The following DNAH8 variants were observed in gnomAD, a reference collection of about 807,000 sequenced individuals.
DNAH8 encodes the protein dynein axonemal heavy chain 8.
A neutral mutation model predicts 562.1 loss-of-function variants in DNAH8; 382 were observed. The observed-to-expected ratio is 0.68, with a 90% CI of 0.63 to 0.74. The LOEUF (loss-of-function observed/expected upper bound fraction) is 0.74. Among genes scored for constraint, DNAH8 ranks in the 30% least tolerant of loss-of-function variants. DNAH8 has a pLI of 0.00. For missense variants in DNAH8, 5,203 were observed against 5,620.4 expected, an observed-to-expected ratio of 0.93 and a Z score of 2.37; for synonymous variants, 1,881 against 1,919.4, an observed-to-expected ratio of 0.98 and a Z score of 0.52.
At position 38,913,879 on chromosome 6, in the gene DNAH8, C is replaced by T; in HGVS notation, c.9890C>T (p.Ser3297Phe). Residue 3297 changes from serine to phenylalanine, a missense_variant, in exon 67 of 93, where the codon TCT becomes TTT. This residue lies in a region of DNAH8 where 977 missense variants were observed against 1,061.8 expected (regional missense o/e 0.92). Transcript: ENST00000327475. ...GLDKLMEASE[S>F]VAKLSQDLAV... ...GATAAACTAATGGAGGCAAGTGAAT[C>T]TGTTGCTAAACTCTCTCAGGATCTT... The T allele has an allele frequency of 6.2e-7, 1 of 1,613,124 alleles. No homozygotes were observed.
chr6:38,983,065 C>T (rs1764140940), intron 86 of DNAH8, among the ~76,000 whole-genome samples: 1 of 152,194 alleles, frequency 6.6e-6, no homozygotes, highest in Non-Finnish European at 1.5e-5. Context: ...TCCTCAAGGT[C>T]ACAGAGCTGA....
chr6:38,759,175 G>A (rs967295350), intron 10 of DNAH8, among the ~76,000 whole-genome samples: 1 of 152,062 alleles, frequency 6.6e-6, no homozygotes, highest in African/African-American at 2.4e-5. Flanking sequence ...GGGCATGGTG[G>A]TGTGTGCCTG....
At chr6:38,815,375 C>A in intron 25 of DNAH8, 93 bp from the exon 26 acceptor site, 2 of 1,010,760 alleles carry the variant, frequency 2.0e-6, no homozygotes, top group Non-Finnish European at 3.0e-6. Flanking sequence ...CCAGCCGAGG[C>A]TTGCCCCACT....
chr6:39,004,408 A>G (rs1765673129), intron 88 of DNAH8, among the ~76,000 whole-genome samples: 1 of 152,160 alleles, frequency 6.6e-6, no homozygotes. Context: ...ATTCTTTTCT[A>G]TACTTCAAAC....
rs1298081554 is a variant in DNAH8, at chr6:38,842,794, G to A, written c.4736G>A (p.Trp1579Ter). Residue 1579 changes from tryptophan (W) to a stop codon, truncating the protein, a stop_gained, in exon 35 of 93, where the codon TGG (tryptophan) becomes TAG (stop). Coordinates refer to ENST00000327475, the MANE Select transcript of DNAH8 (RefSeq NM_001206927.2). LOFTEE classifies it high-confidence loss of function. ...AATAAGGCCATGAAACAGAGACACT[G>A]GGATAGAATCTCCGAGTTAACTGGA... ...MTNKAMKQRH[W>*]DRISELTGTP... The A allele has an allele frequency of 1.2e-6, 2 of 1,613,760 alleles. No homozygotes were observed. The highest frequency in any genetic ancestry group is 1.3e-5 in the African/African-American group (1 of 74,874).
chr6:39,008,803 C>T lies in DNAH8; in HGVS notation c.13215-11C>T, dbSNP rs747420191. The T allele has an allele frequency of 1.3e-6, 2 of 1,574,458 alleles. No individual in the cohort carries two copies. The highest frequency in any genetic ancestry group is 2.7e-5 in the African/African-American group (2 of 73,784). On this transcript the variant is annotated splice_polypyrimidine_tract_variant and intron_variant, in intron 88 of 92. Coordinates refer to ENST00000327475, the MANE Select transcript of DNAH8 (RefSeq NM_001206927.2). ...CCTGTAACATTCTGAACAGCTCACTCTTTTTACTAGGTATCAGAGTAACAC... is the reference window on the plus strand; with the variant it reads ...CCTGTAACATTCTGAACAGCTCACTTTTTTTACTAGGTATCAGAGTAACAC...
At chr6:38,870,636 CAT>C in intron 49 of DNAH8, 74 bp downstream of exon 49, 2 of 1,381,720 alleles carry the variant, frequency 1.4e-6, no homozygotes, top group Non-Finnish European at 2.0e-6. Context: ...TAGAAAAACT[CAT>C]AGTTAGTCTT....
chr6:38,992,522 G>A (rs1764863846), intron 88 of DNAH8, among the ~76,000 whole-genome samples: 1 of 152,168 alleles, frequency 6.6e-6, no homozygotes, highest in African/African-American at 2.4e-5. Context: ...AGAAAGAACT[G>A]ATAAGTCTTA....
At position 38,781,261 on chromosome 6, in the gene DNAH8, A is replaced by C. The variant is rs1306767179; in HGVS notation, c.2147A>C (p.His716Pro). Residue 716 changes from histidine to proline, a missense_variant, in exon 16 of 93, where the codon CAT becomes CCT. By Grantham distance (77) the His-to-Pro change is moderately conservative. Transcript: ENST00000327475. Reference sequence around the variant, plus strand: ...TCAGATTTTTAATTACAGCTTTATCATTCTCAGAAAGATGACCCCCCTCTT... The same window carrying C: ...TCAGATTTTTAATTACAGCTTTATCCTTCTCAGAAAGATGACCCCCCTCTT... The part of the protein sequence containing the change: ...AELDATKKLY[H>P]SQKDDPPLAR... 6.2e-7 allele frequency: 1 copy of C among 1,613,812 alleles called. No homozygotes were observed. Among genetic ancestry groups the C allele is most frequent in the Admixed American group, 1.7e-5 (1 of 59,980 alleles).
rs1346141389 is a variant in DNAH8, at chr6:38,814,265, G to T, written c.3333+136G>T. The T allele has an allele frequency of 1.3e-5, 8 of 616,438 alleles. No homozygotes were observed. In the African/African-American group the frequency reaches 1.5e-4, roughly 12 times the overall value. The allele number at this position is 616,438 out of a possible 1,614,324, so 38.2% of individuals were successfully genotyped here. On this transcript the variant is annotated intron_variant, in intron 25 of 92. Coordinates refer to ENST00000327475, the MANE Select transcript of DNAH8 (RefSeq NM_001206927.2). ...CCTCACTATTTAACAAATTGGAAAT[G>T]TCATTTATATCTGTTATGAAAAAGC...
chr6:38,818,592 A>C (rs192798308), intron 26 of DNAH8, among the ~76,000 whole-genome samples: 223 of 151,500 alleles, frequency 1.5e-3, no homozygotes, highest in African/African-American at 5.2e-3. Context: ...AAAACACAGC[A>C]GACAGGTGAA....
At chr6:38,870,187 T>A (rs1777360244) in intron 48 of DNAH8, among the ~76,000 whole-genome samples, 1 of 152,102 alleles carries the variant, frequency 6.6e-6, no homozygotes, top group Non-Finnish European at 1.5e-5. Flanking sequence ...ACGTGGGAGT[T>A]ATGGGAGCTA....
At chr6:38,802,121 A>C (rs1002320809) in intron 21 of DNAH8, among the ~76,000 whole-genome samples, 3 of 151,794 alleles carry the variant, frequency 2.0e-5, no homozygotes, top group Non-Finnish European at 4.4e-5. Flanking sequence ...TTTATTGTAG[A>C]GATGGGGTCT....
chr6:38,830,983 A>G (rs1418385705), intron 30 of DNAH8, among the ~76,000 whole-genome samples: 2 of 152,226 alleles, frequency 1.3e-5, no homozygotes, highest in African/African-American at 2.4e-5. Flanking sequence ...TTTGAAAGAA[A>G]TAAACTCATG....
chr6:38,773,039 A>ACTC (rs1368831389), intron 12 of DNAH8, among the ~76,000 whole-genome samples: 1 of 129,122 alleles, frequency 7.7e-6, no homozygotes, highest in East Asian at 2.2e-4. Context: ...CTGGTCTTGA[A>ACTC]CTCCTGGCCT....
At chr6:38,936,458 C>G (rs1782978959) in intron 77 of DNAH8, 1 of 152,134 alleles carries the variant, frequency 6.6e-6, no homozygotes, top group Admixed American at 6.5e-5. Context: ...TGTTCTGTAG[C>G]AGACAAATCA....
chr6:38,801,327 T>C (rs949029019), intron 21 of DNAH8, among the ~76,000 whole-genome samples: 26 of 152,228 alleles, frequency 1.7e-4, no homozygotes, highest in African/African-American at 5.8e-4. Context: ...TTATATGGTA[T>C]TGGAAACGTA....
chr6:38,721,018 A>G (rs191308406), intron 1 of DNAH8, among the ~76,000 whole-genome samples: 51 of 152,322 alleles, frequency 3.3e-4, no homozygotes, highest in African/African-American at 1.2e-3. Flanking sequence ...GTTGTTTGAA[A>G]ATGTGCAGAG....
intron 13 of DNAH8, 36 bp downstream of exon 13, chr6:38,775,987 G>T: frequency 7.3e-7 from 1 of 1,367,334 alleles, no homozygotes; most frequent in South Asian, 1.2e-5. Context: ...TAGTAAAGCT[G>T]AAAAGTAGTC....
Sources: allele counts gnomAD v4.1 joint callset (sites outside exome capture counted in the v4.1 genomes callset), GRCh38; gene constraint gnomAD v4.1.1; regional missense constraint gnomAD v4.1.1; transcripts MANE v1.5; gene names NCBI Gene and HGNC (gene_info 2026-07-23, HGNC 2026-07-21).